Variants in KREMEN1 observed in about 807,000 individuals in gnomAD.
KREMEN1 encodes kringle containing transmembrane protein 1.
A neutral mutation model predicts 46.5 loss-of-function variants in KREMEN1; 30 were observed. The observed-to-expected ratio is 0.65, with a 90% CI of 0.48 to 0.88. The LOEUF (loss-of-function observed/expected upper bound fraction) is 0.88, where lower values mean the gene tolerates loss of function less well. KREMEN1 is among the 40% of genes least tolerant of loss of function. The pLI, the probability that KREMEN1 is intolerant of heterozygous loss-of-function variation, is 0.00. For missense variants in KREMEN1, 533 were observed against 596.9 expected, an observed-to-expected ratio of 0.89 and a Z score of 1.11; for synonymous variants, 214 against 230.6, an observed-to-expected ratio of 0.93 and a Z score of 0.65.
intron 3 of KREMEN1, 76 bp from the exon 4 acceptor site, chr22:29,121,281 G>A: frequency 6.4e-7 from 1 of 1,562,098 alleles, no homozygotes; most frequent in Admixed American, 1.7e-5. Flanking sequence ...GAAAGTACCT[G>A]GCACAAATCG....
intron 9 of KREMEN1, among the ~76,000 whole-genome samples, chr22:29,152,185 G>A (rs991092130): frequency 3.3e-5 from 5 of 152,182 alleles, no homozygotes; most frequent in Non-Finnish European, 5.9e-5. Flanking sequence ...ATATCAGGCA[G>A]AGAGGCTCCA....
At chr22:29,129,540 G>A (rs2038501669) in intron 5 of KREMEN1, among the ~76,000 whole-genome samples, 2 of 152,126 alleles carry the variant, frequency 1.3e-5, no homozygotes, top group South Asian at 4.2e-4. Flanking sequence ...AAACGACCAG[G>A]TTACAGTCTG....
intron 9 of KREMEN1, among the ~76,000 whole-genome samples, chr22:29,166,304 G>A (rs964409549): frequency 6.6e-6 from 1 of 151,938 alleles, no homozygotes; most frequent in Non-Finnish European, 1.5e-5. Flanking sequence ...AGGACACAGG[G>A]CATGGAACAG....
chr22:29,153,436 T>C (rs936838278), intron 9 of KREMEN1, among the ~76,000 whole-genome samples: 1 of 151,676 alleles, frequency 6.6e-6, no homozygotes, highest in Non-Finnish European at 1.5e-5. Context: ...GCAGCCTCAC[T>C]CTCCTGGGTT....
intron 3 of KREMEN1, among the ~76,000 whole-genome samples, chr22:29,100,580 C>T (rs914390613): frequency 6.6e-5 from 10 of 152,156 alleles, no homozygotes; most frequent in African/African-American, 1.9e-4. Flanking sequence ...CAATTATGTA[C>T]AGTACATAAT....
At chr22:29,094,572 TACAC>T (rs134658) in intron 2 of KREMEN1, 152 bp downstream of exon 2, 18,946 of 255,258 alleles carry the variant, frequency 0.074, 1,100 homozygotes, top group African/African-American at 0.13. Context: ...TTTCACACCT[TACAC>T]ACACACACAC....
chr22:29,094,104 C>T (rs2037841337), intron 1 of KREMEN1, among the ~76,000 whole-genome samples, 154 bp from the exon 2 acceptor site: 1 of 152,202 alleles, frequency 6.6e-6, no homozygotes. Context: ...CAGATTTATT[C>T]AGCCCCAGAA....
At chr22:29,120,035 AGGAGAGGTGATGATGGAAACAGGGAGGAG>A (rs1569325542) in intron 3 of KREMEN1, among the ~76,000 whole-genome samples, 11 of 98,944 alleles carry the variant, frequency 1.1e-4, no homozygotes, top group Non-Finnish European at 2.1e-4. Flanking sequence ...AGAGGGAGGA[AGGAGAGGTGATGATGGAAACAGGGAGGAG>A]GGAGAGGTGA....
intron 5 of KREMEN1, among the ~76,000 whole-genome samples, chr22:29,126,119 A>C (rs1280352902): frequency 6.9e-5 from 10 of 144,478 alleles, no homozygotes; most frequent in African/African-American, 2.9e-4. Flanking sequence ...GGCAGACAAA[A>C]AAAAAAAAAG....
chr22:29,113,200 G>A (rs1233490678), intron 3 of KREMEN1, among the ~76,000 whole-genome samples: 1 of 152,174 alleles, frequency 6.6e-6, no homozygotes, highest in Non-Finnish European at 1.5e-5. Context: ...CCTTATGTGT[G>A]CCCACACAAG....
intron 3 of KREMEN1, among the ~76,000 whole-genome samples, chr22:29,120,581 T>C (rs1011331488): frequency 2.8e-5 from 2 of 72,640 alleles, no homozygotes; most frequent in Non-Finnish European, 5.7e-5. Context: ...GGAGAGTTGA[T>C]GATGGAAACA....
At chr22:29,118,406 G>A (rs771759346) in intron 3 of KREMEN1, among the ~76,000 whole-genome samples, 5 of 152,116 alleles carry the variant, frequency 3.3e-5, no homozygotes, top group Non-Finnish European at 5.9e-5. Flanking sequence ...ACCAGGAAGG[G>A]GGGATCTGTC....
intron 5 of KREMEN1, among the ~76,000 whole-genome samples, chr22:29,136,048 A>C (rs2038651476): frequency 6.6e-6 from 1 of 151,880 alleles, no homozygotes; most frequent in South Asian, 2.1e-4. Context: ...CAGCCTCCCT[A>C]GTAGCTGGGA....
chr22:29,102,099 TTTC>T (rs1259695779), intron 3 of KREMEN1, among the ~76,000 whole-genome samples: 1 of 152,208 alleles, frequency 6.6e-6, no homozygotes, highest in Non-Finnish European at 1.5e-5. Flanking sequence ...GGGTTATTTT[TTTC>T]TTATTATTTA....
At chr22:29,149,934 C>T (rs1485114790), downstream of KREMEN1, among the ~76,000 whole-genome samples, 1 of 152,220 alleles carries the variant, frequency 6.6e-6, no homozygotes, top group Non-Finnish European at 1.5e-5. Context: ...TGTCTCCAGG[C>T]TTGGAAGTCA....
chr22:29,099,622 T>C (rs35829194), intron 3 of KREMEN1: 12,749 of 147,374 alleles, frequency 0.087, 766 homozygotes, highest in African/African-American at 0.16. Flanking sequence ...GTGATCTCAG[T>C]TCACTGCAAC....
At chr22:29,099,794 C>T (rs898233432) in intron 3 of KREMEN1, among the ~76,000 whole-genome samples, 88 of 152,220 alleles carry the variant, frequency 5.8e-4, no homozygotes, top group African/African-American at 2.0e-3. Context: ...GTGATCCGCC[C>T]GCCTAGGCCT....
chr22:29,114,417 T>G (rs1215934030), intron 3 of KREMEN1, among the ~76,000 whole-genome samples: 1 of 136,358 alleles, frequency 7.3e-6, no homozygotes, highest in Non-Finnish European at 1.5e-5. Context: ...ACCCAGTGGG[T>G]GGAGGTTGCA....
chr22:29,131,710 G>GTA (rs1156394424), intron 5 of KREMEN1, among the ~76,000 whole-genome samples: 3 of 125,442 alleles, frequency 2.4e-5, no homozygotes, highest in Non-Finnish European at 4.7e-5. Flanking sequence ...GTATATATAT[G>GTA]TATATATGTA....
Sources: gnomAD v4.1 joint callset for allele counts (sites outside exome capture counted in the v4.1 genomes callset) on GRCh38, gnomAD v4.1.1 for gene constraint, MANE v1.5 for transcripts, NCBI Gene and HGNC (gene_info 2026-07-23, HGNC 2026-07-21) for gene names.